Variants in CAMTA1 observed in about 807,000 individuals in gnomAD.
CAMTA1 encodes the protein calmodulin binding transcription activator 1.
Under a neutral mutation model 170.9 loss-of-function variants are expected in CAMTA1, and 27 were observed. The ratio of observed to expected loss-of-function variants is 0.16; its 90% CI spans 0.12 to 0.22. The LOEUF (loss-of-function observed/expected upper bound fraction) is 0.22, where lower values mean the gene tolerates loss of function less well. Among genes scored for constraint, CAMTA1 ranks in the 10% least tolerant of loss-of-function variants. The pLI, the probability that CAMTA1 is intolerant of heterozygous loss-of-function variation, is 1.00. For missense variants in CAMTA1, 1,619 were observed against 2,217.2 expected (o/e 0.73, Z 5.42); for synonymous variants, 833 against 891.5 (o/e 0.93, Z 1.17).
At position 7,050,279 on chromosome 1, in the gene CAMTA1, C is replaced by G. The variant is rs1300318340; in HGVS notation, c.235-41025C>G. Among the ~76,000 whole-genome samples the G allele has an allele frequency of 6.6e-6, 1 of 152,100 alleles. No homozygotes were observed. Among genetic ancestry groups the G allele is most frequent in the South Asian group, 2.1e-4 (1 of 4,824 alleles). ...ACCACAGCCTCCTTGTCTTGCCTTC[C>G]TGGGGAGATGGGGCAGGAAGAGAGT... On this transcript the variant is annotated intron_variant, in intron 3 of 22. Coordinates refer to ENST00000303635, the MANE Select transcript of CAMTA1 (RefSeq NM_015215.4). This position sits in a 1 kb window ranked among gnomAD's most constrained non-coding sequence, Gnocchi z 4.8.
chr1:6,787,976 C>T (rs1314645502), intron 1 of CAMTA1, among the ~76,000 whole-genome samples: 1 of 152,070 alleles, frequency 6.6e-6, no homozygotes, highest in Non-Finnish European at 1.5e-5. Context: ...TAAATATGTC[C>T]CTTTTGTATT....
At chr1:6,952,332 G>A (rs1557876957) in intron 3 of CAMTA1, among the ~76,000 whole-genome samples, 1 of 149,556 alleles carries the variant, frequency 6.7e-6, no homozygotes, top group Non-Finnish European at 1.5e-5. Flanking sequence ...TCAGGAGGCT[G>A]AGGCAGGAGA....
At chr1:7,108,745 C>G (rs1023321311) in intron 4 of CAMTA1, among the ~76,000 whole-genome samples, 3 of 152,182 alleles carry the variant, frequency 2.0e-5, no homozygotes, top group African/African-American at 7.2e-5. Flanking sequence ...TATTAGTTAC[C>G]TATTGCGCTA....
chr1:7,667,503 C>T (rs1372974050), intron 9 of CAMTA1, among the ~76,000 whole-genome samples: 1 of 152,112 alleles, frequency 6.6e-6, no homozygotes, highest in Admixed American at 6.5e-5. Context: ...GTCCTCGGGA[C>T]ACTTAGAGGC....
chr1:7,700,320 G>A (rs2096425240), intron 11 of CAMTA1, among the ~76,000 whole-genome samples: 1 of 151,968 alleles, frequency 6.6e-6, no homozygotes, highest in Admixed American at 6.6e-5. Context: ...CTTTACCTGT[G>A]GCTTTTTAAA....
chr1:6,892,165 C>A (rs1674643668), intron 3 of CAMTA1, among the ~76,000 whole-genome samples: 1 of 152,210 alleles, frequency 6.6e-6, no homozygotes, highest in Non-Finnish European at 1.5e-5. Context: ...ACAATTTTCA[C>A]ATTTTGTTTC....
intron 1 of CAMTA1, among the ~76,000 whole-genome samples, chr1:6,815,873 G>T (rs993003867): frequency 6.6e-6 from 1 of 152,104 alleles, no homozygotes; most frequent in African/African-American, 2.4e-5. Context: ...AAGATAACCC[G>T]CATGCACATT....
rs368129947 is a variant in CAMTA1 at position 7,241,997 on chromosome 1, A to C, written c.303-7494A>C. Among the ~76,000 whole-genome samples, 13 of 79,716 alleles carry C rather than the reference A, an allele frequency of 1.6e-4. No homozygotes were observed. In the South Asian group the frequency reaches 1.7e-3, roughly 10 times the overall value. 52.3% of individuals were successfully genotyped at this position (79,716 alleles called of 152,430 possible). On this transcript the variant is annotated intron_variant, in intron 4 of 22. Coordinates refer to ENST00000303635, the MANE Select transcript of CAMTA1 (RefSeq NM_015215.4). The stretch of plus-strand genomic sequence containing the variant: ...ACTCTTTTAAAGAAACCATCAAGCC[A>C]TTAAGGAAAAGAGGGACAAGTTATG...
chr1:6,879,618 T>TC (rs1012055255), intron 3 of CAMTA1, among the ~76,000 whole-genome samples: 4 of 150,412 alleles, frequency 2.7e-5, no homozygotes, highest in Admixed American at 1.3e-4. Flanking sequence ...TTTTTCTTTT[T>TC]TTTTTTTTTT....
intron 4 of CAMTA1, among the ~76,000 whole-genome samples, chr1:7,230,704 AT>A (rs372829068): frequency 2.6e-5 from 4 of 152,176 alleles, no homozygotes; most frequent in African/African-American, 9.7e-5. Context: ...CTGGGAAAGC[AT>A]CCTTATTTGT....
At chr1:7,648,777 C>G (rs995342120) in intron 7 of CAMTA1, among the ~76,000 whole-genome samples, 3 of 152,208 alleles carry the variant, frequency 2.0e-5, no homozygotes, top group Non-Finnish European at 4.4e-5. Flanking sequence ...AAAGGCAGGC[C>G]CTTCCCCAGA....
chr1:7,358,418 CT>C (rs2085289571), intron 5 of CAMTA1, among the ~76,000 whole-genome samples: 1 of 152,162 alleles, frequency 6.6e-6, no homozygotes, highest in Non-Finnish European at 1.5e-5. Context: ...TGCTTGATGA[CT>C]TTTTACACTG....
Position 7,118,918 on chromosome 1 carries a change from C to T in CAMTA1, c.302+27547C>T, listed in dbSNP as rs150047235. ...CTGTGTTTGTCAGAAGACGAGCTGACTTCAGAAGCTGATTTTTATGCTGAA... is the reference window on the plus strand; with the variant it reads ...CTGTGTTTGTCAGAAGACGAGCTGATTTCAGAAGCTGATTTTTATGCTGAA... On this transcript the variant is annotated intron_variant, in intron 4 of 22. Coordinates refer to ENST00000303635, the MANE Select transcript of CAMTA1 (RefSeq NM_015215.4). Among the ~76,000 whole-genome samples, 8 of 152,316 alleles carry T rather than the reference C, an allele frequency of 5.3e-5. No individual in the cohort carries two copies. The East Asian group carries it at 1.5e-3, about 29-fold the overall frequency.
intron 5 of CAMTA1, among the ~76,000 whole-genome samples, chr1:7,292,891 G>A (rs1396647668): frequency 1.1e-4 from 17 of 152,146 alleles, no homozygotes; most frequent in Admixed American, 1.1e-3. Flanking sequence ...CCTTTAGGAA[G>A]CAGGCAGAGG....
At position 7,732,723 on chromosome 1, in the gene CAMTA1, T is replaced by C; in HGVS notation, c.3066+124T>C. ...GGTCCCTGTATTCAGGCAGAAGGCC[T>C]GAGGGAGTACTTTACGGTACCTGTG... On this transcript the variant is annotated intron_variant, in intron 12 of 22. Transcript: ENST00000303635. The surrounding 1 kb of genome is among the most constrained non-coding windows in gnomAD (Gnocchi z 4.1). The C allele has an allele frequency of 7.4e-7, 1 of 1,345,786 alleles. No homozygotes were observed. The highest frequency in any genetic ancestry group is 1.0e-6 in the Non-Finnish European group (1 of 1,004,294). 83.4% of individuals were successfully genotyped at this position (1,345,786 alleles called of 1,614,324 possible).
chr1:6,808,334 C>T (rs1385400142), intron 1 of CAMTA1, among the ~76,000 whole-genome samples: 1 of 152,020 alleles, frequency 6.6e-6, no homozygotes, highest in African/African-American at 2.4e-5. Flanking sequence ...TCTCTACAGT[C>T]ACGTCACATT....
At chr1:7,672,919 C>T (rs1190616018) in intron 10 of CAMTA1, among the ~76,000 whole-genome samples, 1 of 152,174 alleles carries the variant, frequency 6.6e-6, no homozygotes, top group African/African-American at 2.4e-5. Context: ...CTCCAGAAGG[C>T]CCACCTAGCT....
chr1:7,027,172 C>T lies in CAMTA1; in HGVS notation c.235-64132C>T, dbSNP rs539119968. On this transcript the variant is annotated intron_variant, in intron 3 of 22. Coordinates refer to ENST00000303635, the MANE Select transcript of CAMTA1 (RefSeq NM_015215.4). The stretch of plus-strand genomic sequence containing the variant: ...AGTTGAAGAAGGGTCAGTGATACAA[C>T]GTTATCTTTCTCGCCTCTGGAGATA... Among the ~76,000 whole-genome samples, 6 of 152,074 alleles carry T rather than the reference C, an allele frequency of 3.9e-5. No homozygotes were observed. The South Asian group carries it at 8.3e-4, about 21-fold the overall frequency.
At chr1:7,451,780 A>G (rs2149464214) in intron 5 of CAMTA1, among the ~76,000 whole-genome samples, 1 of 152,230 alleles carries the variant, frequency 6.6e-6, no homozygotes, top group South Asian at 2.1e-4. Flanking sequence ...CCCAACCAGA[A>G]GGGCTATTGG....
Sources: gnomAD v4.1 joint callset for allele counts (sites outside exome capture counted in the v4.1 genomes callset) on GRCh38, gnomAD v4.1.1 for gene constraint, Gnocchi (gnomAD v3.1) non-coding constraint, MANE v1.5 for transcripts, NCBI Gene and HGNC (gene_info 2026-07-23, HGNC 2026-07-21) for gene names.